The following SLC4A7 variants were observed in gnomAD, a reference collection of about 807,000 sequenced individuals.
The protein encoded by SLC4A7 is sodium bicarbonate cotransporter 3.
SLC4A7 carries 51 observed loss-of-function variants against 137.6 expected under a neutral mutation model. The observed-to-expected ratio is 0.37, with a 90% CI of 0.30 to 0.47. SLC4A7 has a LOEUF of 0.47. Among genes scored for constraint, SLC4A7 ranks in the 20% least tolerant of loss-of-function variants. The pLI is 1.00. For missense variants in SLC4A7, 1,247 were observed against 1,525.4 expected (o/e 0.82, Z 3.04); for synonymous variants, 542 against 518.6 (o/e 1.05, Z -0.61).
rs943618220 is a variant in SLC4A7 at position 27,373,294 on chromosome 3, G to C, written c.*3470C>G. On this transcript the variant is annotated 3_prime_UTR_variant, in exon 26 of 26. Coordinates refer to ENST00000454389, the MANE Select transcript of SLC4A7 (RefSeq NM_001321103.2). ...GACATTTAATGTTAGTTTTTGAAAA[G>C]TTAGAAAAGAAACCAATTTATATGA... 1.3e-5 allele frequency: 2 copies of C among 151,988 alleles called. No individual in the cohort carries two copies. Among genetic ancestry groups the C allele is most frequent in the African/African-American group, 4.8e-5 (2 of 41,432 alleles). 9.4% of individuals were successfully genotyped at this position (151,988 alleles called of 1,614,324 possible). A position where few individuals can be genotyped will look rare whatever the true frequency, so the allele number is the denominator to read the frequency against.
At position 27,377,924 on chromosome 3, in the gene SLC4A7, T is replaced by C. The variant is rs550197960; in HGVS notation, c.3699-1079A>G. Among the ~76,000 whole-genome samples, 4 of 152,316 alleles carry C rather than the reference T, an allele frequency of 2.6e-5. No individual in the cohort carries two copies. In the East Asian group the frequency reaches 7.7e-4, roughly 29 times the overall value. ...TATTCTCTTTCTTCCTATGTGATTT[T>C]GAAGTGCAGGGCAACCCAAACAAAA... On this transcript the variant is annotated intron_variant, in intron 25 of 25. Transcript: ENST00000454389.
chr3:27,384,412 T>A (rs1039079567), intron 23 of SLC4A7, among the ~76,000 whole-genome samples: 3 of 152,178 alleles, frequency 2.0e-5, no homozygotes, highest in Admixed American at 1.3e-4. Flanking sequence ...AAGATGAGGA[T>A]GGCAACCATA....
At chr3:27,419,772 T>C (rs1199735911) in intron 10 of SLC4A7, among the ~76,000 whole-genome samples, 1 of 152,100 alleles carries the variant, frequency 6.6e-6, no homozygotes, top group Non-Finnish European at 1.5e-5. Flanking sequence ...TAAAGGCTAC[T>C]TGAATCAACA....
chr3:27,391,187 G>GT lies in SLC4A7; in HGVS notation c.3186+552dup, dbSNP rs563759423. On this transcript the variant is annotated intron_variant, in intron 21 of 25. Transcript: ENST00000454389. ...AGAAGTTTTATTAGGTTGTTTCCCA[G>GT]TAACTATTAAAACAAAACAAAATAA... Among the ~76,000 whole-genome samples, 15 of 152,252 alleles carry GT rather than the reference G, an allele frequency of 9.9e-5. 1 individual carries two copies. In the South Asian group the frequency reaches 3.1e-3, roughly 32 times the overall value.
At chr3:27,422,518 C>T (rs900438794) in intron 8 of SLC4A7, among the ~76,000 whole-genome samples, 2 of 152,126 alleles carry the variant, frequency 1.3e-5, no homozygotes, top group African/African-American at 2.4e-5. Flanking sequence ...ATTCTCTTGC[C>T]TCAGCCTCCC....
chr3:27,439,051 A>T (rs1040942896), intron 3 of SLC4A7, among the ~76,000 whole-genome samples: 9 of 152,312 alleles, frequency 5.9e-5, no homozygotes, highest in African/African-American at 1.9e-4. Context: ...ACACCACCAC[A>T]AACAGTTACC....
At chr3:27,378,350 T>G (rs1464738952) in intron 25 of SLC4A7, among the ~76,000 whole-genome samples, 4 of 152,188 alleles carry the variant, frequency 2.6e-5, no homozygotes, top group Non-Finnish European at 5.9e-5. Flanking sequence ...AGTTTTCATC[T>G]GATGCCCAAG....
chr3:27,398,139 T>C (rs2052385263), intron 17 of SLC4A7, 53 bp downstream of exon 17: 3 of 1,398,188 alleles, frequency 2.1e-6, no homozygotes, highest in Admixed American at 4.1e-5. Context: ...ACCAAGGAAA[T>C]AAAAACCAAA....
chr3:27,463,476 G>T (rs1260196744), intron 1 of SLC4A7, among the ~76,000 whole-genome samples: 3 of 151,592 alleles, frequency 2.0e-5, no homozygotes, highest in African/African-American at 7.3e-5. Context: ...CGTGGTGGCG[G>T]TTGCAGTCAG....
Position 27,389,972 on chromosome 3 carries a change from C to A in SLC4A7, c.3319G>T (p.Val1107Leu). 1 of 1,613,810 alleles carries A rather than the reference C, an allele frequency of 6.2e-7. No individual in the cohort carries two copies. The highest frequency in any genetic ancestry group is 8.5e-7 in the Non-Finnish European group (1 of 1,179,830). Residue 1107 changes from valine (V) to leucine (L), a missense_variant, in exon 22 of 26, where the codon GTG becomes TTG. Around this residue, in one of 6 missense-constraint regions of SLC4A7, gnomAD observed 290 missense variants for 323.8 expected, o/e 0.90. Transcript: ENST00000454389. ...ACTGCAGCAGCTGAAACTTTTATCA[C>A]CCATAAAAGGACCAAACAAGTAAGC... ...IQLTCLVLLW[V>L]IKVSAAAVVF...
In SLC4A7 at chr3:27,406,835, G is replaced by A. The variant is rs1341286559; in HGVS notation, c.1942-1872C>T. On this transcript the variant is annotated intron_variant, in intron 13 of 25. Coordinates refer to ENST00000454389, the MANE Select transcript of SLC4A7 (RefSeq NM_001321103.2). ...TAGTCCCAGCTACTCCGGAGGTTAT[G>A]AGGGAAGTCCAGTGAGGTCAAAACT... 4.6e-5 allele frequency among the ~76,000 whole-genome samples: 7 copies of A among 152,096 alleles called. No homozygotes were observed. In the South Asian group the frequency reaches 1.0e-3, roughly 22 times the overall value.
rs190874038 is a variant in SLC4A7 at position 27,418,380 on chromosome 3, C to T, written c.1659+106G>A. Reference sequence around the variant, plus strand: ...TATGGGGGTAAGAAGGTAAACAGGACGAGGTGGGGATAAAACTTCTCTGTT... The same window carrying T: ...TATGGGGGTAAGAAGGTAAACAGGATGAGGTGGGGATAAAACTTCTCTGTT... On this transcript the variant is annotated intron_variant, in intron 11 of 25. Transcript: ENST00000454389. 6.5e-4 allele frequency: 521 copies of T among 801,962 alleles called. 3 individuals carry two copies. The African/African-American group carries it at 8.3e-3, about 13-fold the overall frequency. 49.7% of individuals were successfully genotyped at this position (801,962 alleles called of 1,614,324 possible).
chr3:27,425,202 C>G (rs1463676008), intron 7 of SLC4A7, among the ~76,000 whole-genome samples: 2 of 151,718 alleles, frequency 1.3e-5, no homozygotes, highest in Non-Finnish European at 1.5e-5. Flanking sequence ...GAAACCCCAT[C>G]TCTACTAAAA....
chr3:27,439,419 G>C (rs2057015709), intron 3 of SLC4A7, among the ~76,000 whole-genome samples: 1 of 152,090 alleles, frequency 6.6e-6, no homozygotes, highest in Non-Finnish European at 1.5e-5. Context: ...AACACATATT[G>C]TGATTGAACT....
intron 3 of SLC4A7, among the ~76,000 whole-genome samples, chr3:27,441,961 T>C (rs2057233509): frequency 6.6e-6 from 1 of 151,748 alleles, no homozygotes; most frequent in African/African-American, 2.4e-5. Flanking sequence ...AGTGACACGA[T>C]CTCGGCTCAC....
At chr3:27,410,675 T>C (rs921408613) in intron 12 of SLC4A7, among the ~76,000 whole-genome samples, 3 of 152,324 alleles carry the variant, frequency 2.0e-5, no homozygotes, top group Admixed American at 1.3e-4. Context: ...CTGAGATCAG[T>C]GGAGGCCTGA....
intron 2 of SLC4A7, among the ~76,000 whole-genome samples, chr3:27,451,214 C>CT (rs999133281): frequency 2.0e-5 from 3 of 151,692 alleles, no homozygotes; most frequent in African/African-American, 7.3e-5. Context: ...ATAAATCAAA[C>CT]TTTGTTTCTC....
At position 27,373,958 on chromosome 3, in the gene SLC4A7, T is replaced by G. The variant is rs1368958483; in HGVS notation, c.*2806A>C. ...AGATATAAGATCAGTATCATTCACA[T>G]TCACACAAACATACACACACTTTAG... On this transcript the variant is annotated 3_prime_UTR_variant, in exon 26 of 26. Transcript: ENST00000454389. 1 of 152,544 alleles carries G rather than the reference T, an allele frequency of 6.6e-6. No homozygotes were observed. Among genetic ancestry groups the G allele is most frequent in the East Asian group, 1.9e-4 (1 of 5,198 alleles). 9.4% of individuals were successfully genotyped at this position (152,544 alleles called of 1,614,324 possible). A position where few individuals can be genotyped will look rare whatever the true frequency, so the allele number is the denominator to read the frequency against.
chr3:27,400,565 A>T (rs1443548818), intron 16 of SLC4A7, among the ~76,000 whole-genome samples, 199 bp downstream of exon 16: 1 of 152,174 alleles, frequency 6.6e-6, no homozygotes, highest in Non-Finnish European at 1.5e-5. Flanking sequence ...CTCTCGTGCC[A>T]GTTTCATTCT....
Sources: allele counts gnomAD v4.1 joint callset (sites outside exome capture counted in the v4.1 genomes callset), GRCh38; gene constraint gnomAD v4.1.1; regional missense constraint gnomAD v4.1.1; transcripts MANE v1.5; gene names NCBI Gene and HGNC (gene_info 2026-07-23, HGNC 2026-07-21).